CCDC158: variants seen among roughly 807,000 people sequenced by gnomAD.
CCDC158 encodes coiled-coil domain containing 158.
In CCDC158, 116 loss-of-function variants were observed where a neutral mutation model predicts 138.6. The observed-to-expected ratio is 0.84, with a 90% CI of 0.72 to 0.98. The LOEUF (loss-of-function observed/expected upper bound fraction) is 0.98, where lower values mean the gene tolerates loss of function less well. CCDC158 is among the 50% of genes least tolerant of loss of function. CCDC158 has a pLI of 0.00. For synonymous variants in CCDC158, 436 were observed against 442.4 expected, an observed-to-expected ratio of 0.99 and a Z score of 0.18; for missense variants, 1,265 against 1,306.1, an observed-to-expected ratio of 0.97 and a Z score of 0.48.
chr4:76,356,947 G>A (rs1723628724), intron 14 of CCDC158, among the ~76,000 whole-genome samples: 1 of 152,056 alleles, frequency 6.6e-6, no homozygotes, highest in Admixed American at 6.6e-5. Context: ...CAATTTCCAG[G>A]ATTCCTTCCC....
At chr4:76,416,084 T>C (rs921844485) in intron 1 of CCDC158, among the ~76,000 whole-genome samples, 1 of 152,122 alleles carries the variant, frequency 6.6e-6, no homozygotes, top group African/African-American at 2.4e-5. Flanking sequence ...AGTAGCAAAT[T>C]AGTGAAAGTA....
intron 24 of CCDC158, among the ~76,000 whole-genome samples, chr4:76,317,687 C>A (rs1322245421): frequency 1.3e-5 from 2 of 152,146 alleles, no homozygotes; most frequent in Non-Finnish European, 2.9e-5. Context: ...ACATTCTACC[C>A]AACAACTGCA....
intron 4 of CCDC158, among the ~76,000 whole-genome samples, chr4:76,385,449 A>T (rs764276598): frequency 6.6e-6 from 1 of 152,212 alleles, no homozygotes; most frequent in East Asian, 1.9e-4. Flanking sequence ...ATCAGCATAA[A>T]GCAAGAATAA....
chr4:76,341,950 A>T (rs999427958), intron 18 of CCDC158, among the ~76,000 whole-genome samples: 2 of 152,210 alleles, frequency 1.3e-5, no homozygotes, highest in Non-Finnish European at 2.9e-5. Flanking sequence ...ATCAACTTAA[A>T]ATTATTTTTA....
intron 3 of CCDC158, among the ~76,000 whole-genome samples, chr4:76,397,983 C>T (rs1186428768): frequency 6.6e-6 from 1 of 152,062 alleles, no homozygotes; most frequent in East Asian, 1.9e-4. Context: ...TGGGGCCATG[C>T]CTTTAAAAAG....
rs751332143 is a variant in CCDC158 at position 76,379,349 on chromosome 4, A to C, written c.970T>G (p.Ser324Ala). 1 of 1,610,912 alleles carries C rather than the reference A, an allele frequency of 6.2e-7. No individual in the cohort carries two copies. The highest frequency in any genetic ancestry group is 8.5e-7 in the Non-Finnish European group (1 of 1,179,018). The stretch of plus-strand genomic sequence containing the variant: ...TCAGAACGTAGCTGAGAAACAGTAG[A>C]TTCCAGATCGCTGAGCTGACGCATA... ...MYMRQLSDLE[S>A]TVSQLRSELR... Residue 324 changes from serine (S) to alanine (A), a missense_variant, in exon 9 of 25, where the codon TCT becomes GCT. Ser to Ala is a moderately conservative substitution (Grantham distance 99). Transcript: ENST00000682701.
intron 18 of CCDC158, among the ~76,000 whole-genome samples, chr4:76,336,146 C>T (rs1721469867): frequency 2.4e-5 from 3 of 122,470 alleles, no homozygotes; most frequent in African/African-American, 9.4e-5. Context: ...TGTGCCATTG[C>T]ACTCCAGCCT....
chr4:76,412,454 A>C (rs1051253669), intron 1 of CCDC158, among the ~76,000 whole-genome samples: 4 of 152,120 alleles, frequency 2.6e-5, no homozygotes, highest in Non-Finnish European at 4.4e-5. Flanking sequence ...CTCTACAAAA[A>C]ATTTTTTTAA....
intron 18 of CCDC158, among the ~76,000 whole-genome samples, chr4:76,338,370 C>T (rs560077197): frequency 6.6e-6 from 1 of 152,148 alleles, no homozygotes; most frequent in South Asian, 2.1e-4. Flanking sequence ...ATTAGCTGGG[C>T]ATGGTAGCGT....
intron 19 of CCDC158, among the ~76,000 whole-genome samples, chr4:76,333,437 T>C (rs191063223): frequency 1.2e-4 from 19 of 152,316 alleles, no homozygotes; most frequent in Admixed American, 1.2e-3. Flanking sequence ...GAGACTCCCA[T>C]TGTTGTCTGT....
intron 10 of CCDC158, among the ~76,000 whole-genome samples, chr4:76,370,388 C>A (rs1250140079): frequency 6.6e-6 from 1 of 151,886 alleles, no homozygotes; most frequent in African/African-American, 2.4e-5. Flanking sequence ...TGCACTGGGT[C>A]CGGGTAGAGA....
In CCDC158 at chr4:76,416,557, T is replaced by A. The variant is rs142425476; in HGVS notation, c.-117+4408A>T. On this transcript the variant is annotated intron_variant, in intron 1 of 24. Transcript: ENST00000682701. Reference sequence around the variant, plus strand: ...GGCCCAGAGGCCCAGGAGAAAAAAGTGGTTTTGTGGGCTGAGCCCAGGGTC... The same window carrying A: ...GGCCCAGAGGCCCAGGAGAAAAAAGAGGTTTTGTGGGCTGAGCCCAGGGTC... Among the ~76,000 whole-genome samples the A allele has an allele frequency of 4.5e-3, 682 of 151,830 alleles. 6 individuals are homozygous for A. The highest frequency in any genetic ancestry group is 0.015 in the African/African-American group (624 of 41,416).
At chr4:76,362,398 C>T (rs1724237767) in intron 12 of CCDC158, 83 bp from the exon 13 acceptor site, 1 of 963,192 alleles carries the variant, frequency 1.0e-6, no homozygotes, top group South Asian at 1.9e-5. Flanking sequence ...CTAACACAGT[C>T]CTAAAATCTG....
intron 20 of CCDC158, 102 bp downstream of exon 20, chr4:76,332,330 A>C (rs970119858): frequency 1.1e-6 from 1 of 884,020 alleles, no homozygotes; most frequent in Non-Finnish European, 1.8e-6. Flanking sequence ...ATGCCCATTA[A>C]GTGTCATGTA....
At chr4:76,360,840 T>G (rs1724062705) in intron 13 of CCDC158, among the ~76,000 whole-genome samples, 1 of 152,214 alleles carries the variant, frequency 6.6e-6, no homozygotes. Flanking sequence ...TGGAATGAGT[T>G]AAGACTTTGG....
Position 76,365,716 on chromosome 4 carries a change from C to T in CCDC158, c.1830+1578G>A, listed in dbSNP as rs1197332543. On this transcript the variant is annotated intron_variant, in intron 12 of 24. Coordinates refer to ENST00000682701, the MANE Select transcript of CCDC158 (RefSeq NM_001394954.1). ...ATTCCTTTGAGGCACTAACACAGAT[C>T]CTGATGGATGCTCTCAGGACCAGCA... 2.0e-5 allele frequency among the ~76,000 whole-genome samples: 3 copies of T among 152,302 alleles called. No homozygotes were observed. The East Asian group carries it at 5.8e-4, about 29-fold the overall frequency.
At chr4:76,315,828 G>C (rs1267278437) in intron 24 of CCDC158, among the ~76,000 whole-genome samples, 2 of 152,190 alleles carry the variant, frequency 1.3e-5, no homozygotes, top group Non-Finnish European at 2.9e-5. Context: ...CCAGCCCCGA[G>C]TCTGGTAGCC....
intron 9 of CCDC158, among the ~76,000 whole-genome samples, chr4:76,374,514 T>C (rs1307414575): frequency 6.6e-6 from 1 of 152,228 alleles, no homozygotes; most frequent in Non-Finnish European, 1.5e-5. Context: ...TTTCCATTTT[T>C]TTCATCTGTA....
At chr4:76,415,899 C>T (rs1185147226) in intron 1 of CCDC158, among the ~76,000 whole-genome samples, 1 of 152,084 alleles carries the variant, frequency 6.6e-6, no homozygotes, top group Non-Finnish European at 1.5e-5. Flanking sequence ...TCTCAATTTC[C>T]CCGGGGGAGT....
Sources: allele counts gnomAD v4.1 joint callset (sites outside exome capture counted in the v4.1 genomes callset), GRCh38; gene constraint gnomAD v4.1.1; transcripts MANE v1.5; gene names NCBI Gene and HGNC (gene_info 2026-07-23, HGNC 2026-07-21).